ZNF490: variants seen among roughly 807,000 people sequenced by gnomAD.
ZNF490 encodes the protein zinc finger protein 490.
A neutral mutation model predicts 17.7 loss-of-function variants in ZNF490; 11 were observed. The observed-to-expected ratio is 0.62, with a 90% CI of 0.39 to 1.03. The LOEUF is 1.03. ZNF490 is among the 50% of genes least tolerant of loss of function. ZNF490 has a pLI of 0.00. For missense variants in ZNF490, 542 were observed against 643.4 expected, an observed-to-expected ratio of 0.84 and a Z score of 1.71; for synonymous variants, 222 against 216.1, an observed-to-expected ratio of 1.03 and a Z score of -0.24.
At chr19:12,586,250 G>T (rs1441997137) in intron 2 of ZNF490, among the ~76,000 whole-genome samples, 1 of 92,986 alleles carries the variant, frequency 1.1e-5, no homozygotes, top group South Asian at 2.9e-4. Flanking sequence ...AGTGAGCCAA[G>T]ATCGTGCCCC....
chr19:12,609,241 C>T (rs367760595), intron 1 of ZNF490, 39 bp from the exon 2 acceptor site: 2 of 1,586,684 alleles, frequency 1.3e-6, no homozygotes, highest in African/African-American at 1.3e-5. Context: ...TGAGTTTCAG[C>T]AATTTAGAAC....
chr19:12,588,276 C>T (rs1269643760), intron 2 of ZNF490, among the ~76,000 whole-genome samples: 1 of 152,186 alleles, frequency 6.6e-6, no homozygotes, highest in African/African-American at 2.4e-5. Context: ...GGATTACAAG[C>T]ATGAACCACC....
chr19:12,609,498 T>C (rs979694918), intron 1 of ZNF490, among the ~76,000 whole-genome samples: 4 of 152,216 alleles, frequency 2.6e-5, no homozygotes, highest in African/African-American at 9.7e-5. Context: ...GAGATCCTTC[T>C]GCCTCAGCCT....
intron 3 of ZNF490, 120 bp from the exon 4 acceptor site, chr19:12,583,030 G>T: frequency 2.4e-5 from 19 of 777,742 alleles, no homozygotes; most frequent in African/African-American, 3.6e-5. Context: ...ACTTACTAAA[G>T]TATTCTCTTC....
intron 2 of ZNF490, among the ~76,000 whole-genome samples, chr19:12,583,809 A>ATTTTTTT (rs2022778086): frequency 1.0e-4 from 11 of 105,108 alleles, no homozygotes; most frequent in African/African-American, 4.4e-4. Context: ...ATATATATAT[A>ATTTTTTT]TATTTTTTTT....
rs2022649692 is a variant in ZNF490, at chr19:12,576,948, C to A, written c.*3537G>T. Among the ~76,000 whole-genome samples the A allele has an allele frequency of 6.6e-6, 1 of 151,202 alleles. No homozygotes were observed. Among genetic ancestry groups the A allele is most frequent in the African/African-American group, 2.4e-5 (1 of 41,014 alleles). On this transcript the variant is annotated 3_prime_UTR_variant, in exon 5 of 5. Transcript: ENST00000311437. ...CACTGTACATACAGGTGGACAGACA[C>A]AAATTCACAAACCCACAGGTGTAAC...
chr19:12,581,836 G>T, intron 4 of ZNF490, 112 bp from the exon 5 acceptor site: 1 of 993,858 alleles, frequency 1.0e-6, no homozygotes, highest in Non-Finnish European at 1.4e-6. Context: ...TATGTTATCT[G>T]CCCTGTCTAA....
intron 2 of ZNF490, among the ~76,000 whole-genome samples, chr19:12,596,220 G>C (rs998240829): frequency 7.0e-6 from 1 of 142,036 alleles, no homozygotes; most frequent in Non-Finnish European, 1.5e-5. Flanking sequence ...AACTGAGATG[G>C]TGTCACTGCA....
rs770076173 is a variant in ZNF490 at position 12,582,839 on chromosome 19, A to C, written c.350+11T>G. 3 of 1,599,700 alleles carry C rather than the reference A, an allele frequency of 1.9e-6. No homozygotes were observed. The highest frequency in any genetic ancestry group is 1.7e-5 in the Admixed American group (1 of 59,492). Reference sequence around the variant, plus strand: ...TCAGGGGCTATATAATTATTTGTGAATGCAACTCACCTTAGATTTCTTCCC... The same window carrying C: ...TCAGGGGCTATATAATTATTTGTGACTGCAACTCACCTTAGATTTCTTCCC... On this transcript the variant is annotated intron_variant, in intron 4 of 4. Coordinates refer to ENST00000311437, the MANE Select transcript of ZNF490 (RefSeq NM_020714.3).
In ZNF490 at chr19:12,577,887, G is replaced by C; in HGVS notation, c.*2598C>G. 1 of 985,384 alleles carries C rather than the reference G, an allele frequency of 1.0e-6. No homozygotes were observed. Among genetic ancestry groups the C allele is most frequent in the South Asian group, 4.7e-5 (1 of 21,286 alleles). 61.0% of individuals were successfully genotyped at this position (985,384 alleles called of 1,614,324 possible). On this transcript the variant is annotated 3_prime_UTR_variant, in exon 5 of 5. Transcript: ENST00000311437. ...CACACTGACTTGCTAAGAAAAGGGG[G>C]GACTGACTCCAACAAAGGACAGACC...
In ZNF490 at chr19:12,587,983, C is replaced by T. The variant is rs550927868; in HGVS notation, c.163-4427G>A. 2.3e-3 allele frequency among the ~76,000 whole-genome samples: 218 copies of T among 95,020 alleles called. 75 individuals are homozygous for T. Among genetic ancestry groups the T allele is most frequent in the South Asian group, 0.011 (40 of 3,632 alleles). The allele number at this position is 95,020 out of a possible 152,430, so 62.3% of individuals were successfully genotyped here. A position where few individuals can be genotyped will look rare whatever the true frequency, so the allele number is the denominator to read the frequency against. ...CTCCCAGGTTCAAGCGATTCTTCTGCCTCAGCCTCCTGAGTAGCTGGAATT... is the reference window on the plus strand; with the variant it reads ...CTCCCAGGTTCAAGCGATTCTTCTGTCTCAGCCTCCTGAGTAGCTGGAATT... On this transcript the variant is annotated intron_variant, in intron 2 of 4. Transcript: ENST00000311437.
Position 12,609,010 on chromosome 19 carries a change from C to G in ZNF490, c.162+148G>C, listed in dbSNP as rs904984885. 30 of 689,332 alleles carry G rather than the reference C, an allele frequency of 4.4e-5. No individual in the cohort carries two copies. In the African/African-American group the frequency reaches 5.0e-4, roughly 11 times the overall value. The allele number at this position is 689,332 out of a possible 1,614,324, so 42.7% of individuals were successfully genotyped here. A position where few individuals can be genotyped will look rare whatever the true frequency, so the allele number is the denominator to read the frequency against. ...GGTGAGGGCAATGAACAGGACATAC[C>G]TGAGAGCCTGGTTATTGGCCTTGAC... On this transcript the variant is annotated intron_variant, in intron 2 of 4. Transcript: ENST00000311437.
chr19:12,608,500 T>C (rs1327142635), intron 2 of ZNF490, among the ~76,000 whole-genome samples: 2 of 151,958 alleles, frequency 1.3e-5, no homozygotes, highest in Non-Finnish European at 2.9e-5. Flanking sequence ...AGACAGAGTT[T>C]CACTCTGTTG....
chr19:12,592,473 T>C (rs1395208419), intron 2 of ZNF490, among the ~76,000 whole-genome samples: 1 of 151,576 alleles, frequency 6.6e-6, no homozygotes, highest in African/African-American at 2.4e-5. Context: ...ATCTAAATGG[T>C]TATATACTGT....
intron 2 of ZNF490, among the ~76,000 whole-genome samples, chr19:12,601,205 G>A (rs930313714): frequency 7.3e-5 from 11 of 151,156 alleles, no homozygotes; most frequent in South Asian, 2.1e-4. Flanking sequence ...TGGCTAACAC[G>A]GTGAAACTCC....
Position 12,580,328 on chromosome 19 carries a change from T to C in ZNF490, c.*157A>G, listed in dbSNP as rs1346252377. ...GCAAGTTCCTCCCCCATTTGTTAAA[T>C]ATTTCATTGCCGCATGAGTCACGTC... On this transcript the variant is annotated 3_prime_UTR_variant, in exon 5 of 5. Coordinates refer to ENST00000311437, the MANE Select transcript of ZNF490 (RefSeq NM_020714.3). The C allele has an allele frequency of 2.8e-6, 4 of 1,440,330 alleles. No homozygotes were observed. The highest frequency in any genetic ancestry group is 2.7e-6 in the Non-Finnish European group (3 of 1,102,524). 89.2% of individuals were successfully genotyped at this position (1,440,330 alleles called of 1,614,324 possible). A position where few individuals can be genotyped will look rare whatever the true frequency, so the allele number is the denominator to read the frequency against.
chr19:12,578,682 G>A lies in ZNF490; in HGVS notation c.*1803C>T, dbSNP rs962050774. The A allele has an allele frequency of 2.0e-5, 20 of 985,330 alleles. No homozygotes were observed. Among genetic ancestry groups the A allele is most frequent in the Non-Finnish European group, 2.3e-5 (19 of 829,982 alleles). 61.0% of individuals were successfully genotyped at this position (985,330 alleles called of 1,614,324 possible). ...GTACAGCATTCCCACAGTCTGACCC[G>A]AGGACACTGATGGAAACTTAAAAGG... On this transcript the variant is annotated 3_prime_UTR_variant, in exon 5 of 5. Coordinates refer to ENST00000311437, the MANE Select transcript of ZNF490 (RefSeq NM_020714.3).
intron 2 of ZNF490, among the ~76,000 whole-genome samples, chr19:12,587,517 C>G (rs143347309): frequency 0.041 from 3,619 of 87,974 alleles, 1,051 homozygotes; most frequent in African/African-American, 0.12. Context: ...TGTAAATGAC[C>G]AGTTAATGGG....
intron 2 of ZNF490, among the ~76,000 whole-genome samples, chr19:12,602,458 G>A (rs1046589361): frequency 2.6e-5 from 4 of 151,998 alleles, no homozygotes; most frequent in African/African-American, 7.2e-5. Context: ...GCTGAGGCAG[G>A]AGAATCACTT....
Sources: allele counts gnomAD v4.1 joint callset (sites outside exome capture counted in the v4.1 genomes callset), GRCh38; gene constraint gnomAD v4.1.1; transcripts MANE v1.5; gene names NCBI Gene and HGNC (gene_info 2026-07-23, HGNC 2026-07-21).